Variants in NEIL2 observed in about 807,000 individuals in gnomAD.
NEIL2 encodes the protein endonuclease 8-like 2.
In NEIL2, 23 loss-of-function variants were observed where a neutral mutation model predicts 22.2. The ratio of observed to expected loss-of-function variants is 1.04; its 90% confidence interval spans 0.75 to 1.47. The LOEUF is 1.47. Ranked by LOEUF, NEIL2 falls within the 40% of genes most tolerant of loss-of-function variation. The pLI, the probability that NEIL2 is intolerant of heterozygous loss-of-function variation, is 0.00. For synonymous variants in NEIL2, 229 were observed against 164.8 expected, an observed-to-expected ratio of 1.39 and a Z score of -2.99; for missense variants, 583 against 404.7, an observed-to-expected ratio of 1.44 and a Z score of -3.78.
At chr8:11,783,087 TC>T in intron 3 of NEIL2, 115 bp from the exon 4 acceptor site, 1 of 845,024 alleles carries the variant, frequency 1.2e-6, no homozygotes, top group South Asian at 1.4e-5. Context: ...CAGAGTGTGC[TC>T]TATGTTGTGG....
intron 1 of NEIL2, among the ~76,000 whole-genome samples, chr8:11,770,840 G>A (rs1803371993): frequency 6.6e-6 from 1 of 152,116 alleles, no homozygotes; most frequent in Non-Finnish European, 1.5e-5. Context: ...TGTTTCTCGG[G>A]GATCAGAGAT....
chr8:11,785,264 C>T (rs867737611), intron 4 of NEIL2, among the ~76,000 whole-genome samples: 61 of 152,262 alleles, frequency 4.0e-4, no homozygotes, highest in African/African-American at 1.4e-3. Flanking sequence ...GGCACAATCT[C>T]AGATTACTGC....
intron 2 of NEIL2, among the ~76,000 whole-genome samples, chr8:11,774,796 G>T (rs1243180404): frequency 6.6e-6 from 1 of 152,216 alleles, no homozygotes; most frequent in Non-Finnish European, 1.5e-5. Flanking sequence ...CAGGCCCCAT[G>T]CAAGTCTGAA....
At chr8:11,781,673 C>G (rs1231592413) in intron 3 of NEIL2, among the ~76,000 whole-genome samples, 1 of 152,216 alleles carries the variant, frequency 6.6e-6, no homozygotes, top group African/African-American at 2.4e-5. Flanking sequence ...TCTCTTTTCT[C>G]ATGTACCTGT....
chr8:11,780,540 G>A (rs570080829), intron 3 of NEIL2, among the ~76,000 whole-genome samples: 1 of 152,030 alleles, frequency 6.6e-6, no homozygotes, highest in Non-Finnish European at 1.5e-5. Context: ...CCACCACACC[G>A]GCTAACTTTT....
chr8:11,775,185 C>G (rs1159508088), intron 2 of NEIL2, among the ~76,000 whole-genome samples: 2 of 152,270 alleles, frequency 1.3e-5, no homozygotes, highest in Non-Finnish European at 2.9e-5. Context: ...ACACCTCTGC[C>G]TGGACATCCC....
At chr8:11,782,172 C>T (rs1804481385) in intron 3 of NEIL2, among the ~76,000 whole-genome samples, 1 of 152,072 alleles carries the variant, frequency 6.6e-6, no homozygotes, top group Non-Finnish European at 1.5e-5. Flanking sequence ...CCTGTAATCC[C>T]AGCACTTTAC....
At chr8:11,784,772 C>T (rs1171097610) in intron 4 of NEIL2, among the ~76,000 whole-genome samples, 1 of 152,260 alleles carries the variant, frequency 6.6e-6, no homozygotes, top group South Asian at 2.1e-4. Context: ...AAGGAGGGAT[C>T]GAGGCTGGCT....
chr8:11,778,347 A>G (rs1046573067), intron 2 of NEIL2, among the ~76,000 whole-genome samples: 6 of 149,548 alleles, frequency 4.0e-5, no homozygotes, highest in African/African-American at 1.2e-4. Context: ...TATGTGGCAG[A>G]TAACAATCTG....
intron 2 of NEIL2, among the ~76,000 whole-genome samples, chr8:11,776,508 A>T (rs1348199906): frequency 6.6e-6 from 1 of 152,242 alleles, no homozygotes; most frequent in Admixed American, 6.5e-5. Flanking sequence ...GTGGGCATTC[A>T]TATGCAAGTA....
At chr8:11,785,063 G>C (rs1585788609) in intron 4 of NEIL2, among the ~76,000 whole-genome samples, 9 of 152,276 alleles carry the variant, frequency 5.9e-5, no homozygotes, top group Admixed American at 5.2e-4. Context: ...GAGACAAGAA[G>C]CTCTCACTGT....
At chr8:11,775,424 C>G (rs547987088) in intron 2 of NEIL2, among the ~76,000 whole-genome samples, 31 of 152,336 alleles carry the variant, frequency 2.0e-4, no homozygotes, top group African/African-American at 7.2e-4. Context: ...GGCCCTGGAT[C>G]TGGCCCAGGA....
Position 11,783,183 on chromosome 8 carries a change from G to A in NEIL2, c.492-20G>A. On this transcript the variant is annotated intron_variant, in intron 3 of 4. Transcript: ENST00000284503. ...TACTGTGGTAACGATGTGTACATAT[G>A]ACCTGTTCTTTCTTCCCAGGTTGGT... 6.2e-7 allele frequency: 1 copy of A among 1,609,730 alleles called. No homozygotes were observed. Among genetic ancestry groups the A allele is most frequent in the South Asian group, 1.1e-5 (1 of 90,962 alleles).
chr8:11,774,310 G>A (rs1366525912), intron 2 of NEIL2, among the ~76,000 whole-genome samples: 1 of 151,430 alleles, frequency 6.6e-6, no homozygotes, highest in African/African-American at 2.4e-5. Flanking sequence ...AGGAGACAGA[G>A]GTTGCAGTGA....
chr8:11,776,029 C>T (rs8191584), intron 2 of NEIL2, among the ~76,000 whole-genome samples: 178 of 152,284 alleles, frequency 1.2e-3, no homozygotes, highest in Admixed American at 2.0e-3. Context: ...AGCAATGCCC[C>T]CCTCCCAATA....
chr8:11,770,816 A>G (rs1361311598), intron 1 of NEIL2, among the ~76,000 whole-genome samples: 1 of 151,868 alleles, frequency 6.6e-6, no homozygotes, highest in Non-Finnish European at 1.5e-5. Flanking sequence ...TGGTGATTAG[A>G]ACAGAACCAC....
intron 4 of NEIL2, among the ~76,000 whole-genome samples, chr8:11,784,848 A>G (rs993448157): frequency 2.6e-5 from 4 of 152,156 alleles, no homozygotes; most frequent in African/African-American, 7.2e-5. Context: ...TTTCTACATA[A>G]CAAGCATTAT....
intron 4 of NEIL2, 35 bp downstream of exon 4, chr8:11,783,434 T>A (rs758161282): frequency 1.3e-6 from 2 of 1,594,772 alleles, no homozygotes; most frequent in Admixed American, 3.3e-5. Context: ...GTCCACAGAG[T>A]TGCTTCATGG....
intron 3 of NEIL2, among the ~76,000 whole-genome samples, chr8:11,780,504 G>C (rs1036270199): frequency 7.9e-5 from 12 of 151,996 alleles, no homozygotes; most frequent in Admixed American, 5.9e-4. Flanking sequence ...CCTTAGCCTC[G>C]GAGGAGCTGG....
Sources: gnomAD v4.1 joint callset for allele counts (sites outside exome capture counted in the v4.1 genomes callset) on GRCh38, gnomAD v4.1.1 for gene constraint, MANE v1.5 for transcripts, NCBI Gene and HGNC (gene_info 2026-07-23, HGNC 2026-07-21) for gene names.